SERPINB11: variants seen among roughly 807,000 people sequenced by gnomAD.
SERPINB11 encodes the protein serpin B11.
In SERPINB11, 32 loss-of-function variants were observed where a neutral mutation model predicts 36.7. The observed-to-expected ratio is 0.87, with a 90% CI of 0.66 to 1.17. The LOEUF is 1.17. Ranked by LOEUF, SERPINB11 falls within the 50% of genes most tolerant of loss-of-function variation. SERPINB11 has a pLI of 0.00. For synonymous variants in SERPINB11, 174 were observed against 168.1 expected (o/e 1.04, Z -0.27); for missense variants, 528 against 458.4 (o/e 1.15, Z -1.39).
intron 7 of SERPINB11, 85 bp from the exon 8 acceptor site, chr18:63,722,910 C>T: frequency 7.4e-7 from 1 of 1,358,062 alleles, no homozygotes; most frequent in African/African-American, 1.5e-5. Context: ...GAACCACTCA[C>T]ACTGAGAATT....
At chr18:63,711,269 A>G in intron 2 of SERPINB11, 66 bp from the exon 3 acceptor site, 1 of 1,079,926 alleles carries the variant, frequency 9.3e-7, no homozygotes, top group Non-Finnish European at 1.4e-6. Flanking sequence ...GATACTTACA[A>G]CTGTCAACCT....
intron 4 of SERPINB11, 57 bp downstream of exon 4, chr18:63,712,750 C>T (rs1234797520): frequency 6.4e-7 from 1 of 1,566,958 alleles, no homozygotes; most frequent in Non-Finnish European, 8.7e-7. Context: ...GAATTTCATA[C>T]CCCAAAATTG....
chr18:63,706,823 A>G (rs1298456159), intron 1 of SERPINB11, among the ~76,000 whole-genome samples: 2 of 152,230 alleles, frequency 1.3e-5, no homozygotes, highest in East Asian at 1.9e-4. Flanking sequence ...ATGGTGTGTT[A>G]TCGAGGACGC....
chr18:63,716,109 A>G lies in SERPINB11; in HGVS notation c.432A>G (p.Glu144=). 1 of 1,611,564 alleles carries G rather than the reference A, an allele frequency of 6.2e-7. No homozygotes were observed. Among genetic ancestry groups the G allele is most frequent in the Non-Finnish European group, 8.5e-7 (1 of 1,178,374 alleles). The part of the protein sequence containing the change: ...QTVDFEQSTE[E]TRKTINAWVE... ...TGGATTTTGAACAGTCTACAGAAGA[A>G]ACGAGGAAAACGATTAATGCTTGGG... The change falls in exon 5 of 8, where the codon GAA becomes GAG. Residue 144 remains glutamate (E), a synonymous_variant. Transcript: ENST00000544088.
intron 3 of SERPINB11, among the ~76,000 whole-genome samples, chr18:63,711,986 T>C (rs1405266684): frequency 6.6e-6 from 1 of 152,170 alleles, no homozygotes; most frequent in East Asian, 1.9e-4. Context: ...GTCCATAGTT[T>C]AGGAACCATT....
chr18:63,720,399 T>C, intron 6 of SERPINB11: 1 of 487,696 alleles, frequency 2.1e-6, no homozygotes, highest in Non-Finnish European at 3.6e-6. Context: ...CCCATTCTTT[T>C]CTTAATGCTC....
intron 5 of SERPINB11, 72 bp downstream of exon 5, chr18:63,716,224 G>C: frequency 1.0e-6 from 1 of 961,210 alleles, no homozygotes; most frequent in Admixed American, 2.3e-5. Context: ...ACTTGCTAAA[G>C]AGGAAGCTGG....
At chr18:63,714,786 A>G (rs1914624464) in intron 4 of SERPINB11, among the ~76,000 whole-genome samples, 1 of 152,110 alleles carries the variant, frequency 6.6e-6, no homozygotes, top group African/African-American at 2.4e-5. Flanking sequence ...TTTACGAACA[A>G]TTTGTGCAGT....
At chr18:63,720,284 T>C (rs1914773482) in intron 6 of SERPINB11, 129 bp downstream of exon 6, 1 of 826,052 alleles carries the variant, frequency 1.2e-6, no homozygotes. Context: ...TTTTATTGTA[T>C]TTTCTACAGA....
chr18:63,703,722 G>T (rs1304923843), intron 1 of SERPINB11, among the ~76,000 whole-genome samples: 1 of 152,174 alleles, frequency 6.6e-6, no homozygotes, highest in Non-Finnish European at 1.5e-5. Flanking sequence ...AGATACTGGT[G>T]TCTTAGCCAC....
chr18:63,702,555 C>T (rs1175883429), upstream of SERPINB11, among the ~76,000 whole-genome samples: 1 of 152,202 alleles, frequency 6.6e-6, no homozygotes, highest in Non-Finnish European at 1.5e-5. Context: ...CACACCACTG[C>T]ACTCCAGCCT....
intron 1 of SERPINB11, among the ~76,000 whole-genome samples, 166 bp downstream of exon 1, chr18:63,703,172 C>T (rs901711707): frequency 2.0e-5 from 3 of 152,162 alleles, no homozygotes; most frequent in African/African-American, 4.8e-5. Context: ...TTGATAAATA[C>T]ATTAGCATAC....
chr18:63,718,756 T>G (rs903484125), intron 5 of SERPINB11, among the ~76,000 whole-genome samples: 11 of 152,068 alleles, frequency 7.2e-5, no homozygotes, highest in African/African-American at 2.2e-4. Flanking sequence ...TCTTTTTGAT[T>G]GAGGAACTGA....
intron 1 of SERPINB11, among the ~76,000 whole-genome samples, chr18:63,709,511 T>C (rs530816577): frequency 2.0e-5 from 3 of 152,056 alleles, no homozygotes; most frequent in South Asian, 4.2e-4. Context: ...CTCGGGAGGC[T>C]GAGGCAGGAG....
At chr18:63,710,599 CAAAT>C (rs1340054754) in intron 2 of SERPINB11, among the ~76,000 whole-genome samples, 3 of 152,140 alleles carry the variant, frequency 2.0e-5, no homozygotes, top group Non-Finnish European at 4.4e-5. Flanking sequence ...AGTGGTATCA[CAAAT>C]AAATCTCTGC....
intron 7 of SERPINB11, 139 bp from the exon 8 acceptor site, chr18:63,722,856 C>T: frequency 1.3e-6 from 1 of 784,504 alleles, no homozygotes; most frequent in Non-Finnish European, 1.9e-6. Context: ...GATTTTGTTC[C>T]CAGGTAAGTA....
At chr18:63,714,856 G>C (rs1914626296) in intron 4 of SERPINB11, among the ~76,000 whole-genome samples, 1 of 152,158 alleles carries the variant, frequency 6.6e-6, no homozygotes, top group Non-Finnish European at 1.5e-5. Context: ...AAGATGATGG[G>C]ATTAAGAGAT....
chr18:63,713,592 G>A (rs922031203), intron 4 of SERPINB11, among the ~76,000 whole-genome samples: 4 of 152,150 alleles, frequency 2.6e-5, no homozygotes, highest in African/African-American at 7.2e-5. Context: ...TATGTGATGA[G>A]CTTCTGATAG....
chr18:63,721,020 G>T, intron 7 of SERPINB11, 34 bp downstream of exon 7: 1 of 1,541,942 alleles, frequency 6.5e-7, no homozygotes, highest in Non-Finnish European at 8.9e-7. Flanking sequence ...TGCAGTTAAA[G>T]CATGTGTGCA....
Sources: gnomAD v4.1 joint callset for allele counts (sites outside exome capture counted in the v4.1 genomes callset) on GRCh38, gnomAD v4.1.1 for gene constraint, MANE v1.5 for transcripts, NCBI Gene and HGNC (gene_info 2026-07-23, HGNC 2026-07-21) for gene names.